The following USH2A variants were observed in gnomAD, a reference collection of about 807,000 sequenced individuals.
USH2A encodes the protein Usher syndrome 2A (autosomal recessive, mild).
In USH2A, 443 loss-of-function variants were observed where a neutral mutation model predicts 538.9. That is an observed-to-expected ratio of 0.82 (90% CI 0.76 to 0.89). The LOEUF is 0.89. Ranked by LOEUF, USH2A falls within the 40% of genes least tolerant of loss-of-function variation. USH2A has a pLI of 0.00. For synonymous variants in USH2A, 2,413 were observed against 2,273.5 expected (o/e 1.06, Z -1.75); for missense variants, 6,633 against 6,324.8 (o/e 1.05, Z -1.65).
chr1:216,258,014 G>C (rs753532544), intron 11 of USH2A, among the ~76,000 whole-genome samples: 1 of 151,880 alleles, frequency 6.6e-6, no homozygotes, highest in African/African-American at 2.4e-5. Context: ...TCACAATTCT[G>C]GATCAATTTT....
At chr1:216,321,814 T>A in intron 9 of USH2A, 69 bp downstream of exon 9, 1 of 1,360,882 alleles carries the variant, frequency 7.3e-7, no homozygotes, top group Non-Finnish European at 1.1e-6. Flanking sequence ...CAAGATTAAG[T>A]TCATAGAATT....
intron 23 of USH2A, among the ~76,000 whole-genome samples, chr1:216,088,500 C>T (rs575025313): frequency 1.3e-5 from 2 of 152,096 alleles, no homozygotes; most frequent in Non-Finnish European, 2.9e-5. Context: ...CATCATTATA[C>T]AGGTACAGTG....
chr1:215,932,096 G>T (rs916270447), intron 38 of USH2A, among the ~76,000 whole-genome samples: 15 of 151,882 alleles, frequency 9.9e-5, no homozygotes, highest in African/African-American at 3.4e-4. Context: ...GCATAGCTAA[G>T]GATATTATCA....
At chr1:215,906,663 T>C (rs1665647234) in intron 38 of USH2A, among the ~76,000 whole-genome samples, 1 of 152,084 alleles carries the variant, frequency 6.6e-6, no homozygotes. Context: ...CCCGGTCTTA[T>C]TTCTTTATCA....
At chr1:216,297,834 C>A (rs1188041076) in intron 9 of USH2A, among the ~76,000 whole-genome samples, 1 of 152,126 alleles carries the variant, frequency 6.6e-6, no homozygotes, top group Non-Finnish European at 1.5e-5. Context: ...TAAGAGCCAT[C>A]AGACATAACT....
chr1:215,869,327 T>A (rs1664564391), intron 43 of USH2A, among the ~76,000 whole-genome samples: 1 of 152,132 alleles, frequency 6.6e-6, no homozygotes, highest in Non-Finnish European at 1.5e-5. Flanking sequence ...ATAATAGTAA[T>A]AATAACAATC....
At chr1:216,127,413 C>T (rs1202741097) in intron 21 of USH2A, among the ~76,000 whole-genome samples, 1 of 152,100 alleles carries the variant, frequency 6.6e-6, no homozygotes, top group African/African-American at 2.4e-5. Flanking sequence ...AAAGGTCACA[C>T]AATATTGAAT....
chr1:215,993,004 A>G lies in USH2A; in HGVS notation c.6805+16T>C, dbSNP rs781662804. On this transcript the variant is annotated intron_variant, in intron 35 of 71. Coordinates refer to ENST00000307340, the MANE Select transcript of USH2A (RefSeq NM_206933.4). ...CTAATCATCTTTTTAACTTGAGGCT[A>G]AAAGAGTTCACTTACCATTCGGATA... The G allele has an allele frequency of 1.7e-5, 28 of 1,613,914 alleles. No individual in the cohort carries two copies. The Admixed American group carries it at 4.5e-4, about 26-fold the overall frequency.
chr1:215,965,136 G>A lies in USH2A; in HGVS notation c.7120+181C>T, dbSNP rs147740806. Among the ~76,000 whole-genome samples the A allele has an allele frequency of 2.0e-3, 302 of 152,226 alleles. 2 individuals are homozygous for A. The highest frequency in any genetic ancestry group is 6.8e-3 in the African/African-American group (283 of 41,548). The stretch of plus-strand genomic sequence containing the variant: ...TTCATCAGATGTGGCTGTTGCTGCT[G>A]CTCTGGGAACCACATTCTGAGAACC... On this transcript the variant is annotated intron_variant, in intron 37 of 71. Transcript: ENST00000307340.
At chr1:216,244,852 G>T (rs1314414704) in intron 13 of USH2A, among the ~76,000 whole-genome samples, 1 of 152,112 alleles carries the variant, frequency 6.6e-6, no homozygotes, top group East Asian at 1.9e-4. Flanking sequence ...TTTAAAACAT[G>T]TGACTTGTAT....
intron 30 of USH2A, 41 bp downstream of exon 30, chr1:216,070,060 G>T: frequency 6.2e-7 from 1 of 1,604,986 alleles, no homozygotes. Flanking sequence ...CAAACAAAAA[G>T]GAAGTTAATA....
chr1:216,243,779 G>A (rs372247931), intron 13 of USH2A, among the ~76,000 whole-genome samples: 1 of 151,982 alleles, frequency 6.6e-6, no homozygotes, highest in Admixed American at 6.6e-5. Flanking sequence ...TTTACAATAC[G>A]CTGTTGAATT....
At chr1:215,732,690 T>C (rs1196472000) in intron 60 of USH2A, among the ~76,000 whole-genome samples, 2 of 151,092 alleles carry the variant, frequency 1.3e-5, no homozygotes, top group Non-Finnish European at 2.9e-5. Flanking sequence ...TACAGGTGCC[T>C]GCCACCATGC....
chr1:216,047,782 A>G (rs980420464), intron 31 of USH2A, among the ~76,000 whole-genome samples: 23 of 152,192 alleles, frequency 1.5e-4, no homozygotes, highest in Admixed American at 1.3e-4. Flanking sequence ...ACTAGACAGT[A>G]TAAGATATGT....
chr1:216,098,191 A>G (rs2032492271), intron 21 of USH2A, among the ~76,000 whole-genome samples: 5 of 152,214 alleles, frequency 3.3e-5, no homozygotes, highest in Admixed American at 6.5e-5. Flanking sequence ...TACTCAACAC[A>G]TACTGTGGAG....
intron 21 of USH2A, among the ~76,000 whole-genome samples, chr1:216,151,039 G>A (rs1053582298): frequency 2.6e-5 from 4 of 152,086 alleles, no homozygotes; most frequent in Admixed American, 6.5e-5. Context: ...TTGCTCATCA[G>A]ACTCTCCTCC....
intron 43 of USH2A, among the ~76,000 whole-genome samples, chr1:215,869,814 A>G (rs1176683290): frequency 6.6e-6 from 1 of 152,220 alleles, no homozygotes; most frequent in African/African-American, 2.4e-5. Flanking sequence ...AGGTGGCGCT[A>G]AAATGGTTGA....
chr1:215,838,755 A>G (rs1663597984), intron 46 of USH2A, among the ~76,000 whole-genome samples: 2 of 152,184 alleles, frequency 1.3e-5, no homozygotes, highest in African/African-American at 4.8e-5. Flanking sequence ...TAGTCACACA[A>G]AAGGAACACG....
chr1:216,099,092 A>T (rs2032515780), intron 21 of USH2A, among the ~76,000 whole-genome samples: 1 of 152,226 alleles, frequency 6.6e-6, no homozygotes. Context: ...AGTTTAGGAT[A>T]CAAGCTTTAG....
Sources: gnomAD v4.1 joint callset for allele counts (sites outside exome capture counted in the v4.1 genomes callset) on GRCh38, gnomAD v4.1.1 for gene constraint, MANE v1.5 for transcripts, NCBI Gene and HGNC (gene_info 2026-07-23, HGNC 2026-07-21) for gene names.